CCDC138: variants seen among roughly 807,000 people sequenced by gnomAD.
The protein encoded by CCDC138 is coiled-coil domain-containing protein 138.
In CCDC138, 66 loss-of-function variants were observed where a neutral mutation model predicts 82.3. The observed-to-expected ratio is 0.80, with a 90% CI of 0.66 to 0.98. The LOEUF is 0.98. Among genes scored for constraint, CCDC138 ranks in the 50% least tolerant of loss-of-function variants. CCDC138 has a pLI of 0.00. For missense variants in CCDC138, 816 were observed against 758.9 expected (o/e 1.08, Z -0.88); for synonymous variants, 297 against 265.4 (o/e 1.12, Z -1.16).
intron 6 of CCDC138, among the ~76,000 whole-genome samples, chr2:108,800,109 T>A (rs1330511198): frequency 1.3e-5 from 2 of 152,202 alleles, no homozygotes; most frequent in Non-Finnish European, 2.9e-5. Context: ...TTCTTGAGGC[T>A]TAGTCACATT....
chr2:108,817,701 A>T (rs1685033645), intron 10 of CCDC138, among the ~76,000 whole-genome samples: 1 of 152,238 alleles, frequency 6.6e-6, no homozygotes. Flanking sequence ...AACTTGAATA[A>T]GCAAGGAAAT....
intron 12 of CCDC138, among the ~76,000 whole-genome samples, chr2:108,852,178 A>G (rs1383305715): frequency 6.6e-6 from 1 of 152,252 alleles, no homozygotes; most frequent in Non-Finnish European, 1.5e-5. Context: ...CAAATGAGGA[A>G]ATTGAGGCAT....
chr2:108,787,796 A>G (rs954038878), intron 1 of CCDC138, among the ~76,000 whole-genome samples: 2 of 151,624 alleles, frequency 1.3e-5, no homozygotes, highest in Admixed American at 1.3e-4. Context: ...CGTTAGATTG[A>G]TTATGCATTT....
intron 13 of CCDC138, among the ~76,000 whole-genome samples, chr2:108,870,312 G>A (rs757757512): frequency 4.6e-5 from 7 of 152,130 alleles, no homozygotes; most frequent in Non-Finnish European, 8.8e-5. Flanking sequence ...GATCAAGTCC[G>A]AGGAACAAAA....
At chr2:108,799,506 A>C (rs1681538090) in intron 6 of CCDC138, among the ~76,000 whole-genome samples, 1 of 152,206 alleles carries the variant, frequency 6.6e-6, no homozygotes, top group African/African-American at 2.4e-5. Context: ...TTTCTGTCCC[A>C]GTACATCTGC....
chr2:108,842,787 C>A (rs1230355457), intron 11 of CCDC138, among the ~76,000 whole-genome samples: 2 of 152,250 alleles, frequency 1.3e-5, no homozygotes, highest in East Asian at 1.9e-4. Context: ...GTGAAAAAGT[C>A]CAACTTACAT....
At chr2:108,881,347 G>T (rs78772844), downstream of CCDC138, among the ~76,000 whole-genome samples, 2 of 152,224 alleles carry the variant, frequency 1.3e-5, no homozygotes, top group East Asian at 3.9e-4. Context: ...GAATTGAAGA[G>T]AGTTAGGGCC....
downstream of CCDC138, among the ~76,000 whole-genome samples, chr2:108,877,454 A>C (rs559864753): frequency 6.6e-6 from 1 of 152,316 alleles, no homozygotes; most frequent in East Asian, 1.9e-4. Flanking sequence ...CAACAAAGTG[A>C]GATTCTGTCT....
intron 12 of CCDC138, among the ~76,000 whole-genome samples, chr2:108,852,968 A>G (rs1479861170): frequency 6.6e-6 from 1 of 152,228 alleles, no homozygotes; most frequent in African/African-American, 2.4e-5. Flanking sequence ...ATATAGGCAC[A>G]ATTTTGTTTG....
downstream of CCDC138, among the ~76,000 whole-genome samples, chr2:108,879,428 A>C (rs1027488488): frequency 6.6e-6 from 1 of 152,248 alleles, no homozygotes; most frequent in Non-Finnish European, 1.5e-5. Context: ...CATTTTATGC[A>C]GTTAGCATGA....
At chr2:108,818,617 A>G (rs1487130459) in intron 10 of CCDC138, among the ~76,000 whole-genome samples, 1 of 152,210 alleles carries the variant, frequency 6.6e-6, no homozygotes, top group African/African-American at 2.4e-5. Context: ...ACTTGTGGCC[A>G]TCGCAAGCAG....
Position 108,846,920 on chromosome 2 carries a change from A to C in CCDC138, c.1506A>C (p.Thr502=), listed in dbSNP as rs1202722289. The C allele has an allele frequency of 6.3e-7, 1 of 1,589,690 alleles. No homozygotes were observed. Among genetic ancestry groups the C allele is most frequent in the Admixed American group, 1.7e-5 (1 of 58,888 alleles). Residue 502 remains threonine, a synonymous_variant, in exon 12 of 15, where the codon ACA becomes ACC. Coordinates refer to ENST00000295124, the MANE Select transcript of CCDC138 (RefSeq NM_144978.3). ...TATCAACCTTAATTGTTCTCAAAAC[A>C]GTCACTCAAGGTAAGCTTTCAATTG... is the stretch of plus-strand genomic sequence containing the variant. ...RFLSTLIVLK[T]VTQADYLAQA...
At chr2:108,847,009 A>G (rs1458577357) in intron 12 of CCDC138, 79 bp downstream of exon 12, 3 of 801,626 alleles carry the variant, frequency 3.7e-6, no homozygotes, top group East Asian at 2.5e-5. Context: ...CTTTTATCAA[A>G]TATGTTGTAC....
chr2:108,838,839 A>G (rs1688998951), intron 10 of CCDC138, among the ~76,000 whole-genome samples: 1 of 152,058 alleles, frequency 6.6e-6, no homozygotes, highest in South Asian at 2.1e-4. Context: ...TTTTCACCCC[A>G]GAATATGCCA....
intron 10 of CCDC138, among the ~76,000 whole-genome samples, chr2:108,827,642 C>A (rs943181196): frequency 6.6e-6 from 1 of 151,882 alleles, no homozygotes; most frequent in Non-Finnish European, 1.5e-5. Flanking sequence ...CAGTGAAACC[C>A]CGTCTCTACT....
At chr2:108,843,750 G>C (rs975710572) in intron 11 of CCDC138, among the ~76,000 whole-genome samples, 2 of 149,130 alleles carry the variant, frequency 1.3e-5, no homozygotes, top group Non-Finnish European at 3.0e-5. Flanking sequence ...CTTTATTTTA[G>C]CCTGTTTGGT....
chr2:108,822,428 G>A (rs1685864336), intron 10 of CCDC138, among the ~76,000 whole-genome samples: 1 of 152,110 alleles, frequency 6.6e-6, no homozygotes, highest in African/African-American at 2.4e-5. Flanking sequence ...TAGAGGGCTT[G>A]AACAACATAA....
chr2:108,811,247 C>CTTTTTTTTTTTTTTTTT (rs55661786), intron 7 of CCDC138, among the ~76,000 whole-genome samples: 5 of 113,932 alleles, frequency 4.4e-5, no homozygotes, highest in African/African-American at 1.9e-4. Context: ...TTCTCTCTCT[C>CTTTTTTTTTTTTTTTTT]TTTTTTTTTT....
intron 4 of CCDC138, 164 bp from the exon 5 acceptor site, chr2:108,794,376 C>T (rs1434768307): frequency 1.8e-5 from 4 of 226,300 alleles, no homozygotes; most frequent in African/African-American, 7.0e-5. Flanking sequence ...CCCAAATTTT[C>T]GATGTTACCA....
Sources: allele counts gnomAD v4.1 joint callset (sites outside exome capture counted in the v4.1 genomes callset), GRCh38; gene constraint gnomAD v4.1.1; transcripts MANE v1.5; gene names NCBI Gene and HGNC (gene_info 2026-07-23, HGNC 2026-07-21).